Variants in DGKI observed in about 807,000 individuals in gnomAD.
DGKI encodes the protein diacylglycerol kinase iota, also known as DAG kinase iota.
In DGKI, 55 loss-of-function variants were observed where a neutral mutation model predicts 147.5. The ratio of observed to expected loss-of-function variants is 0.37; its 90% CI spans 0.30 to 0.47. DGKI has a LOEUF of 0.47. DGKI is among the 20% of genes least tolerant of loss of function. DGKI has a pLI of 1.00. For synonymous variants in DGKI, 469 were observed against 477.1 expected, an observed-to-expected ratio of 0.98 and a Z score of 0.22; for missense variants, 1,007 against 1,323.8, an observed-to-expected ratio of 0.76 and a Z score of 3.71.
At chr7:137,447,120 C>T (rs1377986648) in intron 27 of DGKI, among the ~76,000 whole-genome samples, 1 of 152,118 alleles carries the variant, frequency 6.6e-6, no homozygotes, top group Admixed American at 6.5e-5. Context: ...GTACTTTTTA[C>T]ATTTTATTTT....
At chr7:137,484,732 T>C (rs1050320466) in intron 23 of DGKI, among the ~76,000 whole-genome samples, 4 of 151,974 alleles carry the variant, frequency 2.6e-5, no homozygotes, top group African/African-American at 4.8e-5. Flanking sequence ...AATAACTGAG[T>C]GTTCTCCTAC....
intron 1 of DGKI, among the ~76,000 whole-genome samples, chr7:137,699,362 G>A (rs537045288): frequency 1.2e-4 from 18 of 152,156 alleles, no homozygotes; most frequent in Admixed American, 4.6e-4. Context: ...AGCATGTTAA[G>A]AACACAGTCT....
At chr7:137,656,204 C>T (rs781569778) in intron 4 of DGKI, among the ~76,000 whole-genome samples, 1 of 152,206 alleles carries the variant, frequency 6.6e-6, no homozygotes, top group Non-Finnish European at 1.5e-5. Context: ...AGAATCAGTG[C>T]ACACCAGGCT....
intron 30 of DGKI, among the ~76,000 whole-genome samples, chr7:137,398,674 C>A (rs1811640890): frequency 6.6e-6 from 1 of 152,070 alleles, no homozygotes. Flanking sequence ...TATGGGATTT[C>A]ATAATTCTCC....
At chr7:137,598,450 C>G (rs1819874875) in intron 11 of DGKI, among the ~76,000 whole-genome samples, 2 of 152,204 alleles carry the variant, frequency 1.3e-5, no homozygotes, top group African/African-American at 4.8e-5. Flanking sequence ...ATCACATCTA[C>G]AATTCCATCT....
chr7:137,695,159 G>A (rs1351311893), intron 1 of DGKI, among the ~76,000 whole-genome samples: 1 of 152,150 alleles, frequency 6.6e-6, no homozygotes, highest in African/African-American at 2.4e-5. Context: ...CTACCATGGG[G>A]TTTAAGAATG....
chr7:137,619,962 T>A (rs928122062), intron 7 of DGKI, 22 bp from the exon 8 acceptor site: 2 of 1,575,104 alleles, frequency 1.3e-6, no homozygotes, highest in Admixed American at 1.7e-5. Flanking sequence ...AATAAGCCAG[T>A]AAACAATTCT....
In DGKI at chr7:137,405,490, G is replaced by A. The variant is rs543134703; in HGVS notation, c.2920+2385C>T. On this transcript the variant is annotated intron_variant, in intron 30 of 32. Transcript: ENST00000614521. ...AACGAAGCTCTAAGGGATTCCAGGTGAGTCAGAAGTTTAGGACATTGTTCA... is the reference window on the plus strand; with the variant it reads ...AACGAAGCTCTAAGGGATTCCAGGTAAGTCAGAAGTTTAGGACATTGTTCA... Among the ~76,000 whole-genome samples, 63 of 152,304 alleles carry A rather than the reference G, an allele frequency of 4.1e-4. No individual in the cohort carries two copies. In the South Asian group the frequency reaches 0.011, roughly 27 times the overall value.
chr7:137,642,025 T>C (rs1821643825), intron 6 of DGKI, among the ~76,000 whole-genome samples: 1 of 149,050 alleles, frequency 6.7e-6, no homozygotes, highest in African/African-American at 2.5e-5. Context: ...TGTGTAGATC[T>C]AGTGAAGATC....
chr7:137,563,779 T>G (rs1818493649), intron 19 of DGKI, among the ~76,000 whole-genome samples: 1 of 152,086 alleles, frequency 6.6e-6, no homozygotes, highest in South Asian at 2.1e-4. Flanking sequence ...AAAACATTGT[T>G]GATGGATATT....
intron 17 of DGKI, among the ~76,000 whole-genome samples, chr7:137,575,423 A>G (rs1473283325): frequency 6.6e-6 from 1 of 152,166 alleles, no homozygotes; most frequent in East Asian, 1.9e-4. Flanking sequence ...AAAACTCTCT[A>G]GCAGTTAGGA....
chr7:137,754,551 G>A (rs1585447687), intron 1 of DGKI, among the ~76,000 whole-genome samples: 1 of 152,134 alleles, frequency 6.6e-6, no homozygotes, highest in East Asian at 1.9e-4. Context: ...GTCACTGTGC[G>A]ACCTCTGCCA....
intron 1 of DGKI, among the ~76,000 whole-genome samples, chr7:137,695,744 A>G (rs1238272167): frequency 6.6e-6 from 1 of 152,204 alleles, no homozygotes; most frequent in African/African-American, 2.4e-5. Context: ...CACCTTTTCT[A>G]TACTACTTCT....
intron 8 of DGKI, among the ~76,000 whole-genome samples, chr7:137,613,082 A>G (rs775541082): frequency 1.2e-4 from 19 of 152,128 alleles, no homozygotes; most frequent in Non-Finnish European, 2.4e-4. Flanking sequence ...GTTACGGGTA[A>G]ATCACTCAAC....
At chr7:137,512,961 C>T (rs746703161) in intron 21 of DGKI, among the ~76,000 whole-genome samples, 4 of 152,132 alleles carry the variant, frequency 2.6e-5, no homozygotes, top group Non-Finnish European at 5.9e-5. Flanking sequence ...CAGAAACCGG[C>T]AAGTCAGGCT....
intron 1 of DGKI, among the ~76,000 whole-genome samples, chr7:137,777,446 G>A (rs2116874840): frequency 6.6e-6 from 1 of 152,268 alleles, no homozygotes; most frequent in East Asian, 1.9e-4. Context: ...AATGTGAAAG[G>A]ATTCTGGCTC....
At chr7:137,535,065 C>G (rs900773154) in intron 20 of DGKI, among the ~76,000 whole-genome samples, 1 of 152,100 alleles carries the variant, frequency 6.6e-6, no homozygotes, top group Non-Finnish European at 1.5e-5. Context: ...AGACTTTCAG[C>G]CTCCAGAACT....
chr7:137,767,154 G>A (rs962860130), intron 1 of DGKI, among the ~76,000 whole-genome samples: 1 of 152,208 alleles, frequency 6.6e-6, no homozygotes, highest in African/African-American at 2.4e-5. Flanking sequence ...TCAGAGCCTT[G>A]TTCATGTATG....
chr7:137,650,702 G>T (rs1275116379), intron 5 of DGKI, among the ~76,000 whole-genome samples: 1 of 152,168 alleles, frequency 6.6e-6, no homozygotes, highest in African/African-American at 2.4e-5. Flanking sequence ...ACTAGAATTG[G>T]ACCACGCTGG....
Sources: allele counts gnomAD v4.1 joint callset (sites outside exome capture counted in the v4.1 genomes callset), GRCh38; gene constraint gnomAD v4.1.1; transcripts MANE v1.5; gene names NCBI Gene and HGNC (gene_info 2026-07-23, HGNC 2026-07-21).